PCDHA1: variants seen among roughly 807,000 people sequenced by gnomAD.
The protein encoded by PCDHA1 is protocadherin alpha-1.
In PCDHA1, 42 loss-of-function variants were observed where a neutral mutation model predicts 61.3. The observed-to-expected ratio is 0.69, with a 90% CI of 0.54 to 0.89. The LOEUF (loss-of-function observed/expected upper bound fraction) is 0.89, where lower values mean the gene tolerates loss of function less well. PCDHA1 is among the 40% of genes least tolerant of loss of function. The pLI is 0.00. For synonymous variants in PCDHA1, 610 were observed against 553.8 expected (o/e 1.10, Z -1.43); for missense variants, 1,256 against 1,235.3 (o/e 1.02, Z -0.25).
Position 141,009,697 on chromosome 5 carries a change from C to T in PCDHA1, c.2613C>T (p.Tyr871=), listed in dbSNP as rs1554262284. ...ACAGCAACAGCTGGACCTTTAAATA[C>T]GGACCAGGCAACCCCAAACAATCCG... ...GVNSNSWTFK[Y]GPGNPKQSGP... The change falls in exon 4 of 4, where the codon TAC becomes TAT. Residue 871 remains tyrosine (Y), a synonymous_variant. Coordinates refer to ENST00000504120, the MANE Select transcript of PCDHA1 (RefSeq NM_018900.4). 1.1e-5 allele frequency: 17 copies of T among 1,613,952 alleles called. No individual in the cohort carries two copies. The highest frequency in any genetic ancestry group is 1.1e-5 in the South Asian group (1 of 91,066).
chr5:140,914,115 G>A (rs1287523867), intron 1 of PCDHA1, among the ~76,000 whole-genome samples: 1 of 152,168 alleles, frequency 6.6e-6, no homozygotes, highest in Non-Finnish European at 1.5e-5. Flanking sequence ...GATTAAGTCT[G>A]ATGTTTCTTT....
In PCDHA1 at chr5:140,853,190, C is replaced by A. The variant is rs1013741160; in HGVS notation, c.2394+64506C>A. On this transcript the variant is annotated intron_variant, in intron 1 of 3. Transcript: ENST00000504120. ...CACCGCGCCTGGCCTAAAATGTGTT[C>A]TTTATTATTGACGGCTGTATTGATG... is the stretch of plus-strand genomic sequence containing the variant. 7.1e-6 allele frequency: 7 copies of A among 980,440 alleles called. No individual in the cohort carries two copies. In the African/African-American group the frequency reaches 1.2e-4, roughly 17 times the overall value. The allele number at this position is 980,440 out of a possible 1,614,324, so 60.7% of individuals were successfully genotyped here.
intron 1 of PCDHA1, chr5:140,927,106 A>G: frequency 6.2e-7 from 1 of 1,613,678 alleles, no homozygotes; most frequent in Non-Finnish European, 8.5e-7. Context: ...GGATCTACCC[A>G]GCGGCAATTT....
At chr5:140,970,271 G>A (rs1395602971) in intron 1 of PCDHA1, among the ~76,000 whole-genome samples, 1 of 152,200 alleles carries the variant, frequency 6.6e-6, no homozygotes, top group Non-Finnish European at 1.5e-5. Context: ...TTGATGAGAT[G>A]TAAAGTAGCC....
At chr5:140,806,849 A>G (rs1581679639) in intron 1 of PCDHA1, 1 of 286,560 alleles carries the variant, frequency 3.5e-6, no homozygotes, top group South Asian at 7.5e-5. Flanking sequence ...CACTCAATCA[A>G]TCAGTGGTAC....
chr5:140,947,035 A>T (rs2094072055), intron 1 of PCDHA1, among the ~76,000 whole-genome samples: 1 of 151,748 alleles, frequency 6.6e-6, no homozygotes, highest in Admixed American at 6.6e-5. Flanking sequence ...GGATATACTA[A>T]TTACCCTGAT....
rs546510910 is a variant in PCDHA1, at chr5:140,894,996, C to G, written c.2395-83953C>G. ...GTCTTACTTTGTGACATCCTTTACC[C>G]TTTTTACTTGGACCTTTTTCCTTTG... is the stretch of plus-strand genomic sequence containing the variant. On this transcript the variant is annotated intron_variant, in intron 1 of 3. Transcript: ENST00000504120. Among the ~76,000 whole-genome samples, 5 of 152,204 alleles carry G rather than the reference C, an allele frequency of 3.3e-5. No homozygotes were observed. The East Asian group carries it at 9.6e-4, about 29-fold the overall frequency.
chr5:140,801,959 T>G lies in PCDHA1; in HGVS notation c.2394+13275T>G, dbSNP rs1554121786. 3 of 1,614,172 alleles carry G rather than the reference T, an allele frequency of 1.9e-6. No homozygotes were observed. In the South Asian group the frequency reaches 3.3e-5, roughly 18 times the overall value. On this transcript the variant is annotated intron_variant, in intron 1 of 3. Coordinates refer to ENST00000504120, the MANE Select transcript of PCDHA1 (RefSeq NM_018900.4). ...TCTATAAAGTCAGATTACTCGAAAA[T>G]GCACCAAATGGTACCCTAGTGGTGA...
chr5:140,793,884 A>G (rs1369346676), intron 1 of PCDHA1, among the ~76,000 whole-genome samples: 1 of 152,262 alleles, frequency 6.6e-6, no homozygotes, highest in Non-Finnish European at 1.5e-5. Flanking sequence ...TATTAATTTC[A>G]AAACATTTGC....
At chr5:140,803,549 T>C (rs1206713786) in intron 1 of PCDHA1, 4 of 1,614,228 alleles carry the variant, frequency 2.5e-6, no homozygotes, top group Non-Finnish European at 3.4e-6. Context: ...TTAGCCGGGA[T>C]AGAGAGGAGA....
intron 3 of PCDHA1, among the ~76,000 whole-genome samples, chr5:140,985,779 G>A (rs2097170620): frequency 7.9e-6 from 1 of 126,148 alleles, no homozygotes; most frequent in Non-Finnish European, 1.6e-5. Flanking sequence ...TCGCTCTGTC[G>A]CCCAGGCTGG....
intron 1 of PCDHA1, chr5:140,860,091 C>A (rs1199656209): frequency 4.0e-5 from 6 of 150,914 alleles, no homozygotes; most frequent in African/African-American, 1.5e-4. Context: ...GAGTTCAAGA[C>A]CAACCTGGGC....
intron 1 of PCDHA1, among the ~76,000 whole-genome samples, chr5:140,837,511 G>C: frequency 1.0e-5 from 1 of 96,668 alleles, no homozygotes; most frequent in Non-Finnish European, 2.1e-5. Context: ...TTCTGAAGCA[G>C]TTTACTTTTT....
chr5:140,835,202 G>A, intron 1 of PCDHA1: 1 of 1,560,884 alleles, frequency 6.4e-7, no homozygotes, highest in African/African-American at 1.4e-5. Flanking sequence ...ACGAAGGCTT[G>A]AATGGGGATA....
chr5:140,835,568 C>G lies in PCDHA1; in HGVS notation c.2394+46884C>G, dbSNP rs2150238425. ...GCTCCCTGACGCCCCGCGTTCCCTT[C>G]AAGTTGGTGTCCACCTTCAAGAATT... On this transcript the variant is annotated intron_variant, in intron 1 of 3. Coordinates refer to ENST00000504120, the MANE Select transcript of PCDHA1 (RefSeq NM_018900.4). 2.5e-6 allele frequency: 4 copies of G among 1,613,812 alleles called. No homozygotes were observed. The highest frequency in any genetic ancestry group is 3.4e-6 in the Non-Finnish European group (4 of 1,179,876).
intron 1 of PCDHA1, chr5:140,883,037 A>C: frequency 6.2e-7 from 1 of 1,614,166 alleles, no homozygotes; most frequent in Non-Finnish European, 8.5e-7. Flanking sequence ...GAACGCCTTC[A>C]ATGGAACATT....
intron 1 of PCDHA1, chr5:140,968,672 G>A: frequency 6.2e-7 from 1 of 1,614,180 alleles, no homozygotes; most frequent in Non-Finnish European, 8.5e-7. Context: ...CTTTAAGGTA[G>A]AGCTGCACAC....
chr5:140,797,145 C>T (rs1263334138), intron 1 of PCDHA1: 6 of 1,613,878 alleles, frequency 3.7e-6, no homozygotes, highest in East Asian at 2.2e-5. Context: ...CGGTGCCACC[C>T]ACCGAGGGTG....
At chr5:140,961,113 C>T (rs2095591220) in intron 1 of PCDHA1, among the ~76,000 whole-genome samples, 1 of 152,190 alleles carries the variant, frequency 6.6e-6, no homozygotes, top group Non-Finnish European at 1.5e-5. Context: ...AACCCCCTTG[C>T]ATCTTAATGT....
Sources: gnomAD v4.1 joint callset for allele counts (sites outside exome capture counted in the v4.1 genomes callset) on GRCh38, gnomAD v4.1.1 for gene constraint, MANE v1.5 for transcripts, NCBI Gene and HGNC (gene_info 2026-07-23, HGNC 2026-07-21) for gene names.